The following FHIT variants were observed in gnomAD, a reference collection of about 807,000 sequenced individuals.
The protein encoded by FHIT is fragile histidine triad diadenosine triphosphatase, also known as bis(5'-adenosyl)-triphosphatase.
In FHIT, 19 loss-of-function variants were observed where a neutral mutation model predicts 17.9. That is an observed-to-expected ratio of 1.06 (90% confidence interval 0.74 to 1.56). FHIT has a LOEUF of 1.56. Among genes scored for constraint, FHIT ranks in the 40% most tolerant of loss-of-function variants. The probability of loss-of-function intolerance (pLI) is 0.00; values close to 1 mark genes in which losing one functional copy is unlikely to be tolerated. For missense variants in FHIT, 248 were observed against 189.2 expected (o/e 1.31, Z -1.82); for synonymous variants, 81 against 69.7 (o/e 1.16, Z -0.81).
intron 3 of FHIT, among the ~76,000 whole-genome samples, chr3:61,004,149 A>G (rs2031284137): frequency 6.6e-6 from 1 of 152,218 alleles, no homozygotes; most frequent in Admixed American, 6.5e-5. Context: ...AAGTGAAAGA[A>G]GGTGAGCACA....
At chr3:60,343,562 T>C (rs1021177855) in intron 5 of FHIT, among the ~76,000 whole-genome samples, 1 of 152,212 alleles carries the variant, frequency 6.6e-6, no homozygotes, top group Non-Finnish European at 1.5e-5. Context: ...TTTCCCCAGA[T>C]ATGCTACTAA....
At chr3:60,311,305 G>C (rs1305224191) in intron 5 of FHIT, among the ~76,000 whole-genome samples, 5 of 151,786 alleles carry the variant, frequency 3.3e-5, no homozygotes, top group African/African-American at 7.3e-5. Flanking sequence ...TCCTCATTTG[G>C]GGGTTCTCTG....
chr3:60,488,066 A>G (rs888462118), intron 5 of FHIT, among the ~76,000 whole-genome samples: 6 of 152,336 alleles, frequency 3.9e-5, no homozygotes, highest in African/African-American at 1.2e-4. Flanking sequence ...CAAGGCTAAA[A>G]AAGAAAATCC....
At chr3:60,804,355 C>T (rs1553733312) in intron 4 of FHIT, among the ~76,000 whole-genome samples, 3 of 152,134 alleles carry the variant, frequency 2.0e-5, no homozygotes, top group East Asian at 1.9e-4. Flanking sequence ...GCAAATCTAT[C>T]GACCCCCAGT....
chr3:60,821,686 A>T (rs1223934058), intron 4 of FHIT, among the ~76,000 whole-genome samples: 1 of 152,224 alleles, frequency 6.6e-6, no homozygotes, highest in Admixed American at 6.5e-5. Flanking sequence ...AAGTGAAGTC[A>T]TCATTCTTTT....
At chr3:59,866,967 G>A (rs952535309) in intron 8 of FHIT, among the ~76,000 whole-genome samples, 3 of 151,670 alleles carry the variant, frequency 2.0e-5, no homozygotes, top group Non-Finnish European at 4.4e-5. Context: ...ACACTTAAAG[G>A]TGGTCACAGA....
chr3:59,931,714 G>C (rs939656470), intron 7 of FHIT, among the ~76,000 whole-genome samples: 3 of 152,074 alleles, frequency 2.0e-5, no homozygotes, highest in African/African-American at 7.2e-5. Context: ...ACACCTCCTA[G>C]AATTTGTGGA....
chr3:60,813,905 C>T (rs548413740), intron 4 of FHIT, among the ~76,000 whole-genome samples: 3 of 152,204 alleles, frequency 2.0e-5, no homozygotes, highest in African/African-American at 7.2e-5. Flanking sequence ...ATTATTATAG[C>T]CACTCTAGAC....
At chr3:60,014,442 C>T (rs945311921) in intron 5 of FHIT, among the ~76,000 whole-genome samples, 8 of 152,116 alleles carry the variant, frequency 5.3e-5, no homozygotes, top group South Asian at 2.1e-4. Context: ...GATAATTATG[C>T]GAGGAGGCAA....
intron 5 of FHIT, among the ~76,000 whole-genome samples, chr3:60,332,622 G>T (rs75415243): frequency 6.6e-6 from 1 of 152,124 alleles, no homozygotes; most frequent in Non-Finnish European, 1.5e-5. Flanking sequence ...CCAAAAGACT[G>T]ATTTTCCCTC....
At chr3:61,188,449 C>A (rs2107197389) in intron 2 of FHIT, among the ~76,000 whole-genome samples, 1 of 152,134 alleles carries the variant, frequency 6.6e-6, no homozygotes, top group African/African-American at 2.4e-5. Context: ...AATAGCTTAC[C>A]AACCAAAAAA....
chr3:60,672,560 C>A (rs2040530664), intron 4 of FHIT, among the ~76,000 whole-genome samples: 1 of 152,172 alleles, frequency 6.6e-6, no homozygotes, highest in Admixed American at 6.5e-5. Flanking sequence ...ATATTCACTT[C>A]TTTTGTGATT....
At chr3:59,974,635 T>G (rs1708331380) in intron 7 of FHIT, among the ~76,000 whole-genome samples, 1 of 152,160 alleles carries the variant, frequency 6.6e-6, no homozygotes, top group South Asian at 2.1e-4. Flanking sequence ...CAACCATGTT[T>G]GCGGGCAGAG....
intron 5 of FHIT, among the ~76,000 whole-genome samples, chr3:60,402,938 C>T (rs1222866997): frequency 6.6e-6 from 1 of 152,222 alleles, no homozygotes; most frequent in African/African-American, 2.4e-5. Flanking sequence ...CAATTACCTA[C>T]TTTCAAGGAC....
intron 5 of FHIT, among the ~76,000 whole-genome samples, chr3:60,498,156 A>G (rs1411959330): frequency 6.6e-6 from 1 of 152,228 alleles, no homozygotes; most frequent in East Asian, 1.9e-4. Context: ...GCCAACACCA[A>G]GATGGACAGC....
At chr3:60,835,526 T>C (rs556431673) in intron 3 of FHIT, among the ~76,000 whole-genome samples, 17 of 152,320 alleles carry the variant, frequency 1.1e-4, no homozygotes, top group African/African-American at 3.6e-4. Flanking sequence ...CACAGATTCA[T>C]TGCTAGTACA....
chr3:61,089,104 G>A (rs182615930), intron 2 of FHIT, among the ~76,000 whole-genome samples: 1 of 152,010 alleles, frequency 6.6e-6, no homozygotes, highest in African/African-American at 2.4e-5. Context: ...GACTTTTTTT[G>A]AGCAGGGAAA....
At chr3:60,537,511 A>G in intron 4 of FHIT, 1 of 962,378 alleles carries the variant, frequency 1.0e-6, no homozygotes, top group Non-Finnish European at 1.2e-6. Context: ...TTCTAGTAAA[A>G]TCTCCAAAAT....
chr3:60,705,299 G>C (rs934720169), intron 4 of FHIT, among the ~76,000 whole-genome samples: 1 of 152,100 alleles, frequency 6.6e-6, no homozygotes, highest in Non-Finnish European at 1.5e-5. Context: ...AACATTAAAG[G>C]CATCAATAAC....
Sources: gnomAD v4.1 joint callset for allele counts (sites outside exome capture counted in the v4.1 genomes callset) on GRCh38, gnomAD v4.1.1 for gene constraint, MANE v1.5 for transcripts, NCBI Gene and HGNC (gene_info 2026-07-23, HGNC 2026-07-21) for gene names.